Variants in NEBL observed in about 807,000 individuals in gnomAD.
The protein encoded by NEBL is LIM and SH3 protein 2.
Under a neutral mutation model 140.2 loss-of-function variants are expected in NEBL, and 122 were observed. The observed-to-expected ratio is 0.87, with a 90% CI of 0.75 to 1.01. The LOEUF (loss-of-function observed/expected upper bound fraction) is 1.01, where lower values mean the gene tolerates loss of function less well. Among genes scored for constraint, NEBL ranks in the 50% least tolerant of loss-of-function variants. The pLI, the probability that NEBL is intolerant of heterozygous loss-of-function variation, is 0.00. For missense variants in NEBL, 1,365 were observed against 1,231.3 expected, an observed-to-expected ratio of 1.11 and a Z score of -1.62; for synonymous variants, 436 against 398.9, an observed-to-expected ratio of 1.09 and a Z score of -1.11.
chr10:21,229,063 A>G (rs578133405), intron 3 of NEBL, among the ~76,000 whole-genome samples: 3 of 152,280 alleles, frequency 2.0e-5, no homozygotes, highest in African/African-American at 7.2e-5. Context: ...ATCTGTTACA[A>G]TTTGGGACTA....
chr10:21,098,642 T>C (rs1837316806), intron 2 of NEBL, among the ~76,000 whole-genome samples: 1 of 152,160 alleles, frequency 6.6e-6, no homozygotes, highest in Non-Finnish European at 1.5e-5. Flanking sequence ...TAAACTCAGT[T>C]CATTTGGTGT....
intron 3 of NEBL, among the ~76,000 whole-genome samples, chr10:21,185,766 G>A (rs1279009866): frequency 3.9e-5 from 6 of 152,076 alleles, no homozygotes; most frequent in Non-Finnish European, 5.9e-5. Context: ...CCAAAGTGTT[G>A]GGATTACAGG....
At chr10:21,152,574 A>G (rs1840185340) in intron 2 of NEBL, among the ~76,000 whole-genome samples, 1 of 143,052 alleles carries the variant, frequency 7.0e-6, no homozygotes, top group African/African-American at 2.6e-5. Context: ...GACCCTGTCC[A>G]AGAAAAAAGA....
intron 2 of NEBL, among the ~76,000 whole-genome samples, chr10:21,100,102 A>G (rs1837403220): frequency 6.6e-6 from 1 of 152,224 alleles, no homozygotes. Context: ...ACACCCACTC[A>G]GTCAAAAACT....
chr10:21,233,116 A>G (rs11594881), intron 3 of NEBL, among the ~76,000 whole-genome samples: 6,132 of 152,296 alleles, frequency 0.04, 192 homozygotes, highest in South Asian at 0.14. Flanking sequence ...AGGCTGGAGT[A>G]CAATGGCACA....
At chr10:21,079,304 T>TA (rs1055479980) in intron 2 of NEBL, among the ~76,000 whole-genome samples, 4 of 152,172 alleles carry the variant, frequency 2.6e-5, no homozygotes, top group Admixed American at 2.0e-4. Context: ...CTTGAGATTT[T>TA]AAAAAAATAC....
intron 3 of NEBL, among the ~76,000 whole-genome samples, chr10:21,182,776 A>T (rs1210289983): frequency 6.6e-6 from 1 of 152,230 alleles, no homozygotes; most frequent in Non-Finnish European, 1.5e-5. Flanking sequence ...ACAAGTGATG[A>T]TATTTTAGCA....
chr10:20,814,593 G>A (rs1838520944), intron 22 of NEBL, among the ~76,000 whole-genome samples: 1 of 132,252 alleles, frequency 7.6e-6, no homozygotes, highest in Non-Finnish European at 1.6e-5. Flanking sequence ...CAGAGACTGT[G>A]TCTCAAACAC....
intron 2 of NEBL, among the ~76,000 whole-genome samples, chr10:21,111,608 T>G (rs2132019917): frequency 6.6e-6 from 1 of 151,190 alleles, no homozygotes; most frequent in South Asian, 2.1e-4. Context: ...GATTAAAGAC[T>G]TAATGTTAGA....
chr10:21,083,288 T>C (rs889014392), intron 2 of NEBL, among the ~76,000 whole-genome samples: 2 of 152,230 alleles, frequency 1.3e-5, no homozygotes, highest in Non-Finnish European at 2.9e-5. Flanking sequence ...ATTTCACAAA[T>C]GGACTTTCAA....
chr10:21,241,440 C>G (rs1445862543), intron 3 of NEBL, among the ~76,000 whole-genome samples: 2 of 152,112 alleles, frequency 1.3e-5, no homozygotes, highest in Admixed American at 1.3e-4. Context: ...TTGGAAACAT[C>G]TCTCCTACTT....
intron 3 of NEBL, among the ~76,000 whole-genome samples, chr10:21,227,690 TTCTTCTTCTTCTTCTTCTTCTTTC>T (rs1246820473): frequency 1.2e-4 from 11 of 92,380 alleles, no homozygotes; most frequent in African/African-American, 5.6e-4. Context: ...CTTCTTCTTC[TTCTTCTTCTTCTTCTTCTTCTTTC>T]TTCTTCTTCT....
intron 2 of NEBL, among the ~76,000 whole-genome samples, chr10:21,032,238 T>C (rs1031894535): frequency 1.3e-5 from 2 of 152,194 alleles, no homozygotes; most frequent in Admixed American, 6.5e-5. Flanking sequence ...GTAGAGACAT[T>C]TTAAGATAAT....
At chr10:21,159,435 C>T (rs1589296129) in intron 2 of NEBL, among the ~76,000 whole-genome samples, 1 of 152,324 alleles carries the variant, frequency 6.6e-6, no homozygotes, top group Admixed American at 6.5e-5. Context: ...TTCTTTTGCT[C>T]TCCTGAACTT....
At chr10:20,974,516 C>T (rs1314496957) in intron 3 of NEBL, among the ~76,000 whole-genome samples, 1 of 151,806 alleles carries the variant, frequency 6.6e-6, no homozygotes, top group Non-Finnish European at 1.5e-5. Flanking sequence ...CACAAAGTGC[C>T]GGAACTATAA....
intron 2 of NEBL, among the ~76,000 whole-genome samples, chr10:20,890,620 T>G (rs1006382733): frequency 6.6e-6 from 1 of 152,174 alleles, no homozygotes; most frequent in South Asian, 2.1e-4. Context: ...GCCTTCTTGC[T>G]GGAGATCAGC....
In NEBL at chr10:21,193,440, C is replaced by T. The variant is rs147019387; in HGVS notation, n.349-20963G>A. 1.5e-3 allele frequency among the ~76,000 whole-genome samples: 223 copies of T among 152,238 alleles called. 1 individual carries two copies. The highest frequency in any genetic ancestry group is 5.1e-3 in the African/African-American group (213 of 41,532). On this transcript the variant is annotated intron_variant and non_coding_transcript_variant, in intron 3 of 8. Transcript: ENST00000675702. ...TCAAAACCCATCCCCACTGAAATCA[C>T]CATTATCTATCCCTTCATCACCCAC...
intron 3 of NEBL, among the ~76,000 whole-genome samples, chr10:21,019,596 T>C (rs934457453): frequency 7.9e-5 from 12 of 152,252 alleles, no homozygotes; most frequent in Non-Finnish European, 1.3e-4. Flanking sequence ...AGTTGCCATC[T>C]AACATGGTTG....
At chr10:21,036,411 A>AG (rs1834019170) in intron 2 of NEBL, among the ~76,000 whole-genome samples, 1 of 152,054 alleles carries the variant, frequency 6.6e-6, no homozygotes, top group Non-Finnish European at 1.5e-5. Context: ...CCATAATTGC[A>AG]CCTCTGCACT....
Sources: gnomAD v4.1 joint callset for allele counts (sites outside exome capture counted in the v4.1 genomes callset) on GRCh38, gnomAD v4.1.1 for gene constraint, MANE v1.5 for transcripts, NCBI Gene and HGNC (gene_info 2026-07-23, HGNC 2026-07-21) for gene names.